ADGRL3: variants seen among roughly 807,000 people sequenced by gnomAD.
ADGRL3 encodes the protein adhesion G protein-coupled receptor L3.
In ADGRL3, 62 loss-of-function variants were observed where a neutral mutation model predicts 153.5. That is an observed-to-expected ratio of 0.40 (90% CI 0.33 to 0.50). The LOEUF (loss-of-function observed/expected upper bound fraction) is 0.50, where lower values mean the gene tolerates loss of function less well. ADGRL3 is among the 20% of genes least tolerant of loss of function. The probability of loss-of-function intolerance (pLI) is 0.47; values close to 1 mark genes in which losing one functional copy is unlikely to be tolerated. For synonymous variants in ADGRL3, 710 were observed against 672.5 expected, an observed-to-expected ratio of 1.06 and a Z score of -0.86; for missense variants, 1,641 against 1,859.4, an observed-to-expected ratio of 0.88 and a Z score of 2.16.
At chr4:61,447,555 G>A (rs1467824934) in intron 2 of ADGRL3, among the ~76,000 whole-genome samples, 1 of 152,092 alleles carries the variant, frequency 6.6e-6, no homozygotes, top group African/African-American at 2.4e-5. Flanking sequence ...TCAGATTTTT[G>A]GATAACAGAC....
At chr4:61,516,936 G>A (rs2098499425) in intron 3 of ADGRL3, among the ~76,000 whole-genome samples, 1 of 152,044 alleles carries the variant, frequency 6.6e-6, no homozygotes, top group Admixed American at 6.5e-5. Flanking sequence ...TTACACTTAT[G>A]TAGGTATTAG....
At chr4:61,665,306 G>A in intron 5 of ADGRL3, among the ~76,000 whole-genome samples, 1 of 152,186 alleles carries the variant, frequency 6.6e-6, no homozygotes. Flanking sequence ...AGCTACTCTG[G>A]AGGCTGAGGC....
intron 5 of ADGRL3, among the ~76,000 whole-genome samples, chr4:61,672,739 A>G (rs2150822708): frequency 6.6e-6 from 1 of 152,168 alleles, no homozygotes; most frequent in Non-Finnish European, 1.5e-5. Flanking sequence ...GTGAATTGGT[A>G]TAGCCATTAT....
chr4:61,282,296 A>C (rs971474935), intron 1 of ADGRL3, among the ~76,000 whole-genome samples: 1 of 152,040 alleles, frequency 6.6e-6, no homozygotes, highest in Admixed American at 6.6e-5. Flanking sequence ...AGATTGAAAA[A>C]GGTAAGTCTC....
chr4:61,974,968 G>C lies in ADGRL3; in HGVS notation c.2806-4595G>C, dbSNP rs115227375. 5.4e-3 allele frequency among the ~76,000 whole-genome samples: 828 copies of C among 152,290 alleles called. 6 individuals carry two copies. The highest frequency in any genetic ancestry group is 0.016 in the African/African-American group (684 of 41,560). ...GTTTGAATCAAAATCCATTGTAGAAGAGAGAGATGATTAAAGAGAGGTCAT... is the reference window on the plus strand; with the variant it reads ...GTTTGAATCAAAATCCATTGTAGAACAGAGAGATGATTAAAGAGAGGTCAT... On this transcript the variant is annotated intron_variant, in intron 17 of 26. Transcript: ENST00000683033.
At chr4:61,334,220 A>G (rs756441128) in intron 1 of ADGRL3, among the ~76,000 whole-genome samples, 1 of 152,002 alleles carries the variant, frequency 6.6e-6, no homozygotes, top group Non-Finnish European at 1.5e-5. Flanking sequence ...CCCAGCCAAC[A>G]TTTTTTTTAA....
chr4:61,524,289 T>C (rs2098547292), intron 4 of ADGRL3, among the ~76,000 whole-genome samples: 1 of 152,110 alleles, frequency 6.6e-6, no homozygotes, highest in Admixed American at 6.6e-5. Flanking sequence ...CAAACTTTCG[T>C]AGACTGCCTT....
chr4:61,867,515 C>CATATATATATATATATATATATGTAT (rs2098408337), intron 9 of ADGRL3, among the ~76,000 whole-genome samples: 1 of 81,138 alleles, frequency 1.2e-5, no homozygotes, highest in Non-Finnish European at 2.7e-5. Flanking sequence ...AATATATATG[C>CATATATATATATATATATATATGTAT]ATATATATAT....
chr4:61,294,742 A>G (rs1413409486), intron 1 of ADGRL3, among the ~76,000 whole-genome samples: 1 of 152,104 alleles, frequency 6.6e-6, no homozygotes, highest in East Asian at 1.9e-4. Flanking sequence ...TATCTCATCA[A>G]TATGGAAATA....
rs375176904 is a variant in ADGRL3, at chr4:61,432,654, C to CTT, written c.-174+49480_-174+49481dup. ...TCTTTCTTTCTTTCTTTCTTTCTTT[C>CTT]TTTTTTTTTTTTTTTTGAGACAGAA... On this transcript the variant is annotated intron_variant, in intron 2 of 26. Transcript: ENST00000683033. Among the ~76,000 whole-genome samples the CTT allele has an allele frequency of 8.1e-4, 16 of 19,708 alleles. 1 individual carries two copies. The highest frequency in any genetic ancestry group is 1.7e-3 in the Admixed American group (3 of 1,776). 12.9% of individuals were successfully genotyped at this position (19,708 alleles called of 152,430 possible). A position where few individuals can be genotyped will look rare whatever the true frequency, so the allele number is the denominator to read the frequency against.
At chr4:61,768,516 C>G (rs952917916) in intron 8 of ADGRL3, among the ~76,000 whole-genome samples, 2 of 152,040 alleles carry the variant, frequency 1.3e-5, no homozygotes, top group African/African-American at 4.8e-5. Context: ...CTTCAGGCAC[C>G]TCAGACCATT....
Position 61,202,584 on chromosome 4 carries a change from G to T in ADGRL3, c.-240+819G>T, listed in dbSNP as rs1227047682. 6.6e-6 allele frequency among the ~76,000 whole-genome samples: 1 copy of T among 152,104 alleles called. No homozygotes were observed. The highest frequency in any genetic ancestry group is 2.4e-5 in the African/African-American group (1 of 41,430). On this transcript the variant is annotated intron_variant, in intron 1 of 26. Transcript: ENST00000683033. This position sits in a 1 kb window ranked among gnomAD's most constrained non-coding sequence, Gnocchi z 5.0. ...GGGTGGGCAGAGCATTGGTGGTCGC[G>T]GTTGGCGGGTTACAGGTAGGAGAGA... is the stretch of plus-strand genomic sequence containing the variant.
chr4:61,792,018 C>T (rs2097348965), intron 8 of ADGRL3, among the ~76,000 whole-genome samples: 3 of 152,178 alleles, frequency 2.0e-5, no homozygotes, highest in Admixed American at 2.0e-4. Flanking sequence ...GGCCTGGAGA[C>T]CTTTTCCCCT....
At chr4:61,638,968 G>A (rs2093549092) in intron 5 of ADGRL3, among the ~76,000 whole-genome samples, 1 of 152,042 alleles carries the variant, frequency 6.6e-6, no homozygotes, top group African/African-American at 2.4e-5. Flanking sequence ...TTCTTTTTTA[G>A]CATTGTGTGG....
intron 8 of ADGRL3, among the ~76,000 whole-genome samples, chr4:61,760,435 G>A (rs112441958): frequency 0.087 from 13,248 of 152,154 alleles, 1,221 homozygotes; most frequent in African/African-American, 0.23. Context: ...GCGAGGCTCC[G>A]TGGGCGTAGG....
intron 17 of ADGRL3, 38 bp from the exon 18 acceptor site, chr4:61,979,525 C>A: frequency 6.4e-7 from 1 of 1,569,162 alleles, no homozygotes; most frequent in Non-Finnish European, 8.8e-7. Flanking sequence ...ATTGGTTATG[C>A]ATAAGCGCAA....
intron 2 of ADGRL3, among the ~76,000 whole-genome samples, chr4:61,394,939 C>T (rs772526118): frequency 1.3e-4 from 20 of 151,864 alleles, no homozygotes; most frequent in South Asian, 4.1e-4. Flanking sequence ...CATTTTAAAA[C>T]GAAGAAACTA....
chr4:61,830,626 G>T (rs2097858112), intron 9 of ADGRL3, among the ~76,000 whole-genome samples: 1 of 152,078 alleles, frequency 6.6e-6, no homozygotes, highest in Admixed American at 6.6e-5. Flanking sequence ...AACTGTAGGG[G>T]GAAAGAAGTC....
intron 1 of ADGRL3, among the ~76,000 whole-genome samples, chr4:61,234,786 C>T (rs947506738): frequency 1.3e-5 from 2 of 151,944 alleles, no homozygotes; most frequent in Non-Finnish European, 2.9e-5. Context: ...GGATGATGAC[C>T]GAATGAGGGG....
Sources: gnomAD v4.1 joint callset for allele counts (sites outside exome capture counted in the v4.1 genomes callset) on GRCh38, gnomAD v4.1.1 for gene constraint, Gnocchi (gnomAD v3.1) non-coding constraint, MANE v1.5 for transcripts, NCBI Gene and HGNC (gene_info 2026-07-23, HGNC 2026-07-21) for gene names.